Variants in CNTN3 observed in about 807,000 individuals in gnomAD.
CNTN3 encodes the protein contactin-3.
CNTN3 carries 60 observed loss-of-function variants against 119.1 expected under a neutral mutation model. That is an observed-to-expected ratio of 0.50 (90% CI 0.41 to 0.62). The LOEUF (loss-of-function observed/expected upper bound fraction) is 0.62, where lower values mean the gene tolerates loss of function less well. Among genes scored for constraint, CNTN3 ranks in the 20% least tolerant of loss-of-function variants. The pLI is 0.00. For missense variants in CNTN3, 1,101 were observed against 1,242.4 expected (o/e 0.89, Z 1.71); for synonymous variants, 450 against 438.7 (o/e 1.03, Z -0.32).
intron 4 of CNTN3, among the ~76,000 whole-genome samples, chr3:74,447,332 T>C (rs1354268632): frequency 1.3e-5 from 2 of 152,096 alleles, no homozygotes; most frequent in Non-Finnish European, 2.9e-5. Flanking sequence ...ATCCTGACCT[T>C]TTCTCTTCCC....
At chr3:74,375,994 G>A (rs1359764349) in intron 5 of CNTN3, among the ~76,000 whole-genome samples, 1 of 152,120 alleles carries the variant, frequency 6.6e-6, no homozygotes, top group Non-Finnish European at 1.5e-5. Context: ...AGAGGGGCAG[G>A]AGAGTCAAAG....
At chr3:74,397,421 T>A (rs1208859884) in intron 5 of CNTN3, among the ~76,000 whole-genome samples, 1 of 152,018 alleles carries the variant, frequency 6.6e-6, no homozygotes, top group Admixed American at 6.6e-5. Flanking sequence ...CTGTAATTGT[T>A]TTGGGGCTCC....
At chr3:74,298,593 TAA>T (rs976729381) in intron 17 of CNTN3, among the ~76,000 whole-genome samples, 1 of 136,822 alleles carries the variant, frequency 7.3e-6, no homozygotes, top group African/African-American at 2.7e-5. Flanking sequence ...AACAATTAAG[TAA>T]AACTGGAAAA....
At chr3:74,320,948 TG>T (rs1702973980) in intron 13 of CNTN3, among the ~76,000 whole-genome samples, 1 of 149,522 alleles carries the variant, frequency 6.7e-6, no homozygotes, top group East Asian at 1.9e-4. Flanking sequence ...TATGTTGAAT[TG>T]AAAAAAAAAA....
intron 11 of CNTN3, among the ~76,000 whole-genome samples, chr3:74,343,682 T>C (rs1187298954): frequency 1.3e-5 from 2 of 152,248 alleles, no homozygotes; most frequent in Non-Finnish European, 2.9e-5. Context: ...AATCACGGTG[T>C]CTTGTCGTAT....
intron 1 of CNTN3, among the ~76,000 whole-genome samples, chr3:74,533,366 A>T (rs925033358): frequency 1.4e-4 from 21 of 152,084 alleles, no homozygotes; most frequent in African/African-American, 5.1e-4. Context: ...GAGCACTAAT[A>T]ACTAAACATA....
chr3:74,480,025 A>G (rs1335197549), intron 4 of CNTN3, among the ~76,000 whole-genome samples: 1 of 152,064 alleles, frequency 6.6e-6, no homozygotes, highest in Non-Finnish European at 1.5e-5. Flanking sequence ...TTGCTGCAAA[A>G]CTCATCTCTG....
intron 1 of CNTN3, among the ~76,000 whole-genome samples, chr3:74,542,159 A>C (rs1703851084): frequency 6.6e-6 from 1 of 152,182 alleles, no homozygotes; most frequent in African/African-American, 2.4e-5. Context: ...ACTTGAGCCC[A>C]GGGAGTAAAA....
intron 4 of CNTN3, among the ~76,000 whole-genome samples, chr3:74,449,706 G>A (rs1702112670): frequency 6.6e-6 from 1 of 152,022 alleles, no homozygotes; most frequent in Admixed American, 6.6e-5. Context: ...TGTAAGCCTG[G>A]GTTGGCTGAA....
At chr3:74,427,929 G>A (rs1001163571) in intron 4 of CNTN3, among the ~76,000 whole-genome samples, 1 of 152,144 alleles carries the variant, frequency 6.6e-6, no homozygotes, top group African/African-American at 2.4e-5. Context: ...TATGTACATG[G>A]ATTGTTAGAT....
At chr3:74,565,178 C>G (rs1704208452) in intron 1 of CNTN3, among the ~76,000 whole-genome samples, 1 of 152,136 alleles carries the variant, frequency 6.6e-6, no homozygotes, top group Non-Finnish European at 1.5e-5. Flanking sequence ...AAATGCAATG[C>G]CTTAGTGTCC....
chr3:74,298,134 G>C lies in CNTN3; in HGVS notation c.2224C>G (p.Pro742Ala). Residue 742 changes from proline to alanine, a missense_variant, in exon 18 of 23, where the codon CCT (proline) becomes GCT (alanine). Pro to Ala is a conservative substitution (Grantham distance 27). Transcript: ENST00000263665. ...TGGATCCAGGTGGTAACCCCAAGAG[G>C]GCGGAAAGCAACAACATACCCAAAA... The part of the protein sequence containing the change: ...EGFGYVVAFR[P>A]LGVTTWIQTV... 6.2e-7 allele frequency: 1 copy of C among 1,611,374 alleles called. No homozygotes were observed. The highest frequency in any genetic ancestry group is 8.5e-7 in the Non-Finnish European group (1 of 1,178,402).
intron 1 of CNTN3, among the ~76,000 whole-genome samples, chr3:74,585,501 A>G (rs1704578537): frequency 6.6e-6 from 1 of 152,158 alleles, no homozygotes; most frequent in African/African-American, 2.4e-5. Context: ...TTAGAGAAGT[A>G]AAGTATTACA....
chr3:74,378,709 A>G (rs961270333), intron 5 of CNTN3, among the ~76,000 whole-genome samples: 2 of 152,242 alleles, frequency 1.3e-5, no homozygotes, highest in African/African-American at 4.8e-5. Context: ...AAGAGACTGC[A>G]TGGTTCGTAA....
intron 4 of CNTN3, among the ~76,000 whole-genome samples, chr3:74,467,994 A>G (rs913763237): frequency 1.3e-5 from 2 of 152,190 alleles, no homozygotes; most frequent in Non-Finnish European, 2.9e-5. Flanking sequence ...TATCGGAACA[A>G]AAGAAAACCC....
At chr3:74,388,924 G>T (rs1704824580) in intron 5 of CNTN3, among the ~76,000 whole-genome samples, 1 of 152,056 alleles carries the variant, frequency 6.6e-6, no homozygotes, top group Non-Finnish European at 1.5e-5. Flanking sequence ...GATTATTAAA[G>T]TTAATCCCTG....
At chr3:74,366,871 T>A (rs914193206) in intron 8 of CNTN3, among the ~76,000 whole-genome samples, 4 of 142,696 alleles carry the variant, frequency 2.8e-5, no homozygotes, top group African/African-American at 1.0e-4. Context: ...AAACACATTT[T>A]CTTCTTCTTT....
intron 1 of CNTN3, among the ~76,000 whole-genome samples, 106 bp from the exon 2 acceptor site, chr3:74,521,298 T>C (rs1421490273): frequency 6.6e-6 from 1 of 150,690 alleles, no homozygotes; most frequent in South Asian, 2.1e-4. Context: ...TTGGAGACAC[T>C]GAAAACCCTC....
At chr3:74,320,109 G>A (rs1193499430) in intron 13 of CNTN3, among the ~76,000 whole-genome samples, 1 of 152,194 alleles carries the variant, frequency 6.6e-6, no homozygotes, top group East Asian at 1.9e-4. Flanking sequence ...AGTCAGTGTG[G>A]CGATTCCTCA....
Sources: gnomAD v4.1 joint callset for allele counts (sites outside exome capture counted in the v4.1 genomes callset) on GRCh38, gnomAD v4.1.1 for gene constraint, MANE v1.5 for transcripts, NCBI Gene and HGNC (gene_info 2026-07-23, HGNC 2026-07-21) for gene names.